LSR: variants seen among roughly 807,000 people sequenced by gnomAD.
LSR encodes lipolysis-stimulated lipoprotein receptor.
Under a neutral mutation model 61.8 loss-of-function variants are expected in LSR, and 44 were observed. That is an observed-to-expected ratio of 0.71 (90% CI 0.56 to 0.91). The LOEUF (loss-of-function observed/expected upper bound fraction) is 0.91. Among genes scored for constraint, LSR ranks in the 40% least tolerant of loss-of-function variants. The pLI, the probability that LSR is intolerant of heterozygous loss-of-function variation, is 0.00. For synonymous variants in LSR, 397 were observed against 350.6 expected, an observed-to-expected ratio of 1.13 and a Z score of -1.48; for missense variants, 911 against 830.5, an observed-to-expected ratio of 1.10 and a Z score of -1.19.
intron 5 of LSR, among the ~76,000 whole-genome samples, chr19:35,265,045 TTA>T (rs2065978927): frequency 6.6e-6 from 1 of 152,110 alleles, no homozygotes; most frequent in Non-Finnish European, 1.5e-5. Flanking sequence ...CTGGCTAATT[TTA>T]TAGTCATTGA....
At chr19:35,255,474 A>G (rs2065844935) in intron 2 of LSR, among the ~76,000 whole-genome samples, 1 of 150,214 alleles carries the variant, frequency 6.7e-6, no homozygotes, top group African/African-American at 2.4e-5. Flanking sequence ...GGTGGGGGCT[A>G]GGGGCGGTGG....
At chr19:35,253,908 G>A (rs1017077434) in intron 2 of LSR, among the ~76,000 whole-genome samples, 2 of 152,188 alleles carry the variant, frequency 1.3e-5, no homozygotes, top group African/African-American at 2.4e-5. Flanking sequence ...GCATGCTCCA[G>A]GGGCCTCACA....
Position 35,267,874 on chromosome 19 carries a change from C to T in LSR, c.*15C>T, listed in dbSNP as rs1355096795. ...TAGTCGTCTGATCTGACGTTTTCTA[C>T]GTAGCTTTTGTATTTTTTTTTTTAA... On this transcript the variant is annotated 3_prime_UTR_variant, in exon 10 of 10. Coordinates refer to ENST00000605618, the MANE Select transcript of LSR (RefSeq NM_205834.4). 6.2e-7 allele frequency: 1 copy of T among 1,612,850 alleles called. No individual in the cohort carries two copies. Among genetic ancestry groups the T allele is most frequent in the African/African-American group, 1.3e-5 (1 of 74,826 alleles).
Position 35,258,982 on chromosome 19 carries a change from CAG to C in LSR, c.493_494del (p.Ser165TrpfsTer18). ...CCTTTGACCAGACGGCGTGGGGGGA[CAG>C]TGGTGTGTATTACTGCTCCGTGGTC... ...LTFDQTAWGD[S>X]GVYYCSVVSA... On this transcript the variant is annotated frameshift_variant, in exon 3 of 10. Transcript: ENST00000605618. LOFTEE classifies it high-confidence loss of function. 1 of 1,614,058 alleles carries C rather than the reference CAG, an allele frequency of 6.2e-7. No homozygotes were observed. The highest frequency in any genetic ancestry group is 8.5e-7 in the Non-Finnish European group (1 of 1,179,992).
intron 3 of LSR, among the ~76,000 whole-genome samples, chr19:35,259,723 C>A (rs1354991890): frequency 1.3e-5 from 2 of 152,172 alleles, no homozygotes; most frequent in African/African-American, 4.8e-5. Flanking sequence ...CCACCTCTTG[C>A]TACATCCCCA....
intron 3 of LSR, among the ~76,000 whole-genome samples, chr19:35,260,392 C>T (rs981300796): frequency 1.4e-5 from 2 of 147,320 alleles, no homozygotes; most frequent in Non-Finnish European, 3.0e-5. Context: ...CCTGGGTTCA[C>T]GCCATTCTCC....
intron 1 of LSR, 131 bp from the exon 2 acceptor site, chr19:35,250,184 A>G: frequency 1.7e-6 from 1 of 573,830 alleles, no homozygotes; most frequent in Non-Finnish European, 3.0e-6. Flanking sequence ...CCTGGCAATT[A>G]AGGAACAATG....
chr19:35,267,093 C>A lies in LSR; in HGVS notation c.1145-16C>A, dbSNP rs576945426. Reference sequence around the variant, plus strand: ...CGGGCTCCTCCAGCAGTCAGTGACACCCCCCTTCCCTGCAGCCATGAGTGA... The same window carrying A: ...CGGGCTCCTCCAGCAGTCAGTGACAACCCCCTTCCCTGCAGCCATGAGTGA... On this transcript the variant is annotated splice_polypyrimidine_tract_variant and intron_variant, in intron 8 of 9. Coordinates refer to ENST00000605618, the MANE Select transcript of LSR (RefSeq NM_205834.4). 4.6e-6 allele frequency: 7 copies of A among 1,524,158 alleles called. No individual in the cohort carries two copies. Among genetic ancestry groups the A allele is most frequent in the Middle Eastern group, 1.8e-4 (1 of 5,614 alleles). 94.4% of individuals were successfully genotyped at this position (1,524,158 alleles called of 1,614,324 possible).
intron 1 of LSR, chr19:35,249,382 C>G (rs2065761251): frequency 2.0e-6 from 1 of 500,658 alleles, no homozygotes; most frequent in Non-Finnish European, 3.5e-6. Flanking sequence ...AGACCCGGAG[C>G]GGCAGGGAGA....
intron 2 of LSR, among the ~76,000 whole-genome samples, chr19:35,255,342 A>G (rs1313951177): frequency 6.6e-6 from 1 of 151,866 alleles, no homozygotes; most frequent in Non-Finnish European, 1.5e-5. Context: ...TGGAAAAATG[A>G]TGGACGAAGA....
At chr19:35,258,429 C>T (rs2065881127) in intron 2 of LSR, among the ~76,000 whole-genome samples, 1 of 147,946 alleles carries the variant, frequency 6.8e-6, no homozygotes, top group African/African-American at 2.5e-5. Context: ...CCAGCCTGGG[C>T]AACAAGAGTG....
Position 35,267,784 on chromosome 19 carries a change from G to T in LSR, c.1771-40G>T, listed in dbSNP as rs748744899. On this transcript the variant is annotated intron_variant, in intron 9 of 9. Coordinates refer to ENST00000605618, the MANE Select transcript of LSR (RefSeq NM_205834.4). ...CAGACCGTCCCTGGGCCCCCAGCCG[G>T]TCCCCGCGGCTCATACCCTTCTTTC... 4.3e-6 allele frequency: 7 copies of T among 1,613,606 alleles called. No homozygotes were observed. The Admixed American group carries it at 1.2e-4, about 27-fold the overall frequency.
intron 3 of LSR, among the ~76,000 whole-genome samples, chr19:35,261,667 C>T (rs931784434): frequency 2.0e-5 from 3 of 152,202 alleles, no homozygotes; most frequent in African/African-American, 7.2e-5. Context: ...TGAGGTAGAG[C>T]CCTCAGAACC....
rs1358320376 is a variant in LSR at position 35,249,007 on chromosome 19, C to A, written c.-16C>A. The A allele has an allele frequency of 1.9e-6, 3 of 1,609,678 alleles. No homozygotes were observed. The African/African-American group carries it at 4.0e-5, about 22-fold the overall frequency. ...TTGGAAGGGACGCGCGGGCCAGACG[C>A]GCCCAGACGGCCGCGATGGCGCTGT... On this transcript the variant is annotated 5_prime_UTR_variant, in exon 1 of 10. Coordinates refer to ENST00000605618, the MANE Select transcript of LSR (RefSeq NM_205834.4).
At chr19:35,253,180 C>T (rs142596073) in intron 2 of LSR, 18,147 of 152,076 alleles carry the variant, frequency 0.12, 1,286 homozygotes, top group South Asian at 0.23. Context: ...TTTAGCCGGG[C>T]GTGGTGGTGG....
Position 35,267,108 on chromosome 19 carries a change from G to A in LSR, c.1145-1G>A. ...GTCAGTGACACCCCCCTTCCCTGCAGCCATGAGTGAAGTCACCTCCCTCCA... is the reference window on the plus strand; with the variant it reads ...GTCAGTGACACCCCCCTTCCCTGCAACCATGAGTGAAGTCACCTCCCTCCA... On this transcript the variant is annotated splice_acceptor_variant, in intron 8 of 9. Coordinates refer to ENST00000605618, the MANE Select transcript of LSR (RefSeq NM_205834.4). LOFTEE classifies it high-confidence loss of function. 1 of 1,528,204 alleles carries A rather than the reference G, an allele frequency of 6.5e-7. No homozygotes were observed. Among genetic ancestry groups the A allele is most frequent in the Non-Finnish European group, 8.8e-7 (1 of 1,142,094 alleles). The allele number at this position is 1,528,204 out of a possible 1,614,324, so 94.7% of individuals were successfully genotyped here.
At chr19:35,262,783 C>T (rs1441488051) in intron 5 of LSR, 91 bp downstream of exon 5, 22 of 1,512,504 alleles carry the variant, frequency 1.5e-5, no homozygotes, top group South Asian at 2.5e-5. Flanking sequence ...AGGACAGTGG[C>T]GTTGGTCTGG....
Position 35,266,421 on chromosome 19 carries a change from G to A in LSR, c.841G>A (p.Ala281Thr), listed in dbSNP as rs1288681751. ...VPSIYAPSTYAHLSPAKTPPP... is the reference protein window; with the variant it reads ...VPSIYAPSTYTHLSPAKTPPP... ...CAGCATTTATGCCCCCAGCACCTAT[G>A]CCCACCTGTCTCCCGCCAAGACCCC... is the stretch of plus-strand genomic sequence containing the variant. The change falls in exon 6 of 10, where the codon GCC becomes ACC. Residue 281 changes from alanine (A) to threonine (T), a missense_variant. By Grantham distance (58) the Ala-to-Thr change is moderately conservative. Transcript: ENST00000605618. The A allele has an allele frequency of 1.9e-6, 3 of 1,611,812 alleles. No homozygotes were observed. Among genetic ancestry groups the A allele is most frequent in the Non-Finnish European group, 2.5e-6 (3 of 1,178,802 alleles).
chr19:35,249,830 G>A (rs1357694042), intron 1 of LSR, among the ~76,000 whole-genome samples: 5 of 152,176 alleles, frequency 3.3e-5, no homozygotes, highest in Non-Finnish European at 5.9e-5. Context: ...GGGGGCTTTA[G>A]TCCCTCCATG....
Sources: gnomAD v4.1 joint callset for allele counts (sites outside exome capture counted in the v4.1 genomes callset) on GRCh38, gnomAD v4.1.1 for gene constraint, MANE v1.5 for transcripts, NCBI Gene and HGNC (gene_info 2026-07-23, HGNC 2026-07-21) for gene names.